Variants in SYNPO2 observed in about 807,000 individuals in gnomAD.
The protein encoded by SYNPO2 is synaptopodin 2.
SYNPO2 carries 56 observed loss-of-function variants against 85.0 expected under a neutral mutation model. That is an observed-to-expected ratio of 0.66 (90% CI 0.53 to 0.82). SYNPO2 has a LOEUF of 0.82. SYNPO2 is among the 40% of genes least tolerant of loss of function. SYNPO2 has a pLI of 0.00. For missense variants in SYNPO2, 1,575 were observed against 1,534.2 expected, an observed-to-expected ratio of 1.03 and a Z score of -0.44; for synonymous variants, 602 against 591.1, an observed-to-expected ratio of 1.02 and a Z score of -0.27.
chr4:118,850,996 T>A (rs996733217), intron 1 of SYNPO2: 1 of 398,606 alleles, frequency 2.5e-6, no homozygotes, highest in African/African-American at 2.1e-5. Flanking sequence ...TCACCTGAAC[T>A]CATTACTCAT....
At chr4:118,962,791 G>A (rs1300763466) in intron 1 of SYNPO2, among the ~76,000 whole-genome samples, 4 of 152,166 alleles carry the variant, frequency 2.6e-5, no homozygotes, top group Non-Finnish European at 5.9e-5. Context: ...TCCACATTTT[G>A]TTGGCAGCTC....
chr4:118,901,572 G>A (rs1368590000), intron 1 of SYNPO2, among the ~76,000 whole-genome samples: 2 of 152,170 alleles, frequency 1.3e-5, no homozygotes, highest in African/African-American at 2.4e-5. Context: ...TGCTTGAAAT[G>A]TGTTATCTTT....
intron 1 of SYNPO2, among the ~76,000 whole-genome samples, chr4:118,855,101 G>A (rs1011602504): frequency 7.4e-5 from 11 of 147,892 alleles, no homozygotes; most frequent in African/African-American, 2.2e-4. Context: ...ACAGGATGAC[G>A]TTCCAATTTA....
At chr4:118,968,379 A>G (rs1274880451) in intron 1 of SYNPO2, among the ~76,000 whole-genome samples, 2 of 152,154 alleles carry the variant, frequency 1.3e-5, no homozygotes, top group African/African-American at 4.8e-5. Flanking sequence ...CTCCACAGAG[A>G]TGTCTTTTCT....
Position 119,026,955 on chromosome 4 carries a change from G to C in SYNPO2, c.586G>C (p.Val196Leu), listed in dbSNP as rs200674726. 6.2e-5 allele frequency: 100 copies of C among 1,614,068 alleles called. No homozygotes were observed. Among genetic ancestry groups the C allele is most frequent in the Non-Finnish European group, 8.2e-5 (97 of 1,180,042 alleles). Residue 196 changes from valine to leucine, a missense_variant, in exon 3 of 5, where the codon GTG becomes CTG. Physicochemically the swap from Val to Leu is conservative, Grantham distance 32. Transcript: ENST00000307142. ...EKVEAVQPGP[V>L]VELQLSLSQE... ...GGTAGAAGCGGTACAGCCTGGGCCT[G>C]TGGTTGAGCTGCAACTGTCCCTTTC...
intron 4 of SYNPO2, among the ~76,000 whole-genome samples, chr4:119,046,340 G>A (rs1738866938): frequency 6.6e-6 from 1 of 152,152 alleles, no homozygotes; most frequent in South Asian, 2.1e-4. Flanking sequence ...ATCAAGAAGT[G>A]TATATTTTGG....
intron 1 of SYNPO2, among the ~76,000 whole-genome samples, chr4:118,997,768 T>C (rs1023570108): frequency 2.0e-5 from 3 of 152,224 alleles, no homozygotes; most frequent in African/African-American, 7.2e-5. Context: ...TCTTTTCTAA[T>C]TTCTATTTCT....
At chr4:119,006,149 T>G (rs1428990596) in intron 1 of SYNPO2, 1 of 153,064 alleles carries the variant, frequency 6.5e-6, no homozygotes, top group Admixed American at 6.5e-5. Flanking sequence ...AGCCTGAACA[T>G]GAAGGTGTGA....
chr4:119,010,511 C>T (rs139365911), intron 1 of SYNPO2, among the ~76,000 whole-genome samples: 14 of 152,310 alleles, frequency 9.2e-5, no homozygotes, highest in African/African-American at 3.4e-4. Flanking sequence ...AGGTCCCCCC[C>T]ACAACATGTG....
rs376786836 is a variant in SYNPO2, at chr4:119,029,940, C to T, written c.1165C>T (p.Pro389Ser). ...CCTTCTTCTAACGGATGCTCCCAACCCCAACTCCAAGGGGGTGTTGATGTT... is the reference window on the plus strand; with the variant it reads ...CCTTCTTCTAACGGATGCTCCCAACTCCAACTCCAAGGGGGTGTTGATGTT... ...IALLLTDAPN[P>S]NSKGVLMFKK... is the part of the protein sequence containing the mutation. Residue 389 changes from proline (P) to serine (S), a missense_variant, in exon 4 of 5, where the codon CCC (proline) becomes TCC (serine). Pro to Ser is a moderately conservative substitution (Grantham distance 74). Around this residue, in one of 3 missense-constraint regions of SYNPO2, gnomAD observed 1,508 missense variants for 1,446.8 expected, o/e 1.04. Coordinates refer to ENST00000307142, the MANE Select transcript of SYNPO2 (RefSeq NM_133477.3). 6 of 1,613,836 alleles carry T rather than the reference C, an allele frequency of 3.7e-6. No individual in the cohort carries two copies. The African/African-American group carries it at 6.7e-5, about 18-fold the overall frequency.
intron 1 of SYNPO2, among the ~76,000 whole-genome samples, chr4:119,014,528 A>G (rs1175680784): frequency 6.6e-6 from 1 of 152,214 alleles, no homozygotes. Flanking sequence ...TTATGTTAAC[A>G]TGCAGTAGGT....
At chr4:118,986,847 A>G (rs1425297543) in intron 1 of SYNPO2, among the ~76,000 whole-genome samples, 1 of 152,208 alleles carries the variant, frequency 6.6e-6, no homozygotes, top group African/African-American at 2.4e-5. Flanking sequence ...CAGAGGAACC[A>G]GGAAATAGAC....
intron 1 of SYNPO2, among the ~76,000 whole-genome samples, chr4:119,010,787 A>G (rs765196035): frequency 2.0e-5 from 3 of 152,242 alleles, no homozygotes; most frequent in Non-Finnish European, 4.4e-5. Flanking sequence ...TTGTCACATT[A>G]AAGACAATCA....
intron 4 of SYNPO2, among the ~76,000 whole-genome samples, chr4:119,039,727 T>C (rs897967124): frequency 6.6e-6 from 1 of 152,122 alleles, no homozygotes; most frequent in Non-Finnish European, 1.5e-5. Flanking sequence ...AACAGAATAG[T>C]GATGAGAGAA....
chr4:118,923,099 G>C (rs1199514804), intron 1 of SYNPO2, among the ~76,000 whole-genome samples: 3 of 152,112 alleles, frequency 2.0e-5, no homozygotes, highest in Admixed American at 6.6e-5. Context: ...CACGATGGCA[G>C]CTTCAGAAAA....
chr4:118,903,509 G>T (rs984845108), intron 1 of SYNPO2, among the ~76,000 whole-genome samples: 1 of 152,124 alleles, frequency 6.6e-6, no homozygotes, highest in Non-Finnish European at 1.5e-5. Context: ...GAGCACAAAA[G>T]CCAGATGGAA....
At chr4:119,022,900 C>G (rs1405267104) in intron 1 of SYNPO2, among the ~76,000 whole-genome samples, 1 of 151,866 alleles carries the variant, frequency 6.6e-6, no homozygotes, top group Non-Finnish European at 1.5e-5. Flanking sequence ...CCTCAGCCTC[C>G]TGAGTAGCTT....
intron 1 of SYNPO2, among the ~76,000 whole-genome samples, chr4:118,961,237 T>TC (rs1025244178): frequency 4.0e-5 from 6 of 151,616 alleles, no homozygotes; most frequent in Admixed American, 3.9e-4. Context: ...GCACAGAATA[T>TC]CCCCCCGCAA....
chr4:118,938,426 C>A (rs1358618369), intron 1 of SYNPO2, among the ~76,000 whole-genome samples: 1 of 151,708 alleles, frequency 6.6e-6, no homozygotes, highest in African/African-American at 2.4e-5. Flanking sequence ...TATTTTTGAT[C>A]TTTGTTTGGT....
Sources: gnomAD v4.1 joint callset for allele counts (sites outside exome capture counted in the v4.1 genomes callset) on GRCh38, gnomAD v4.1.1 for gene constraint, gnomAD v4.1.1 regional missense constraint, MANE v1.5 for transcripts, NCBI Gene and HGNC (gene_info 2026-07-23, HGNC 2026-07-21) for gene names.